The following SPAG16 variants were observed in gnomAD, a reference collection of about 807,000 sequenced individuals.
SPAG16 encodes sperm-associated antigen 16 protein.
Under a neutral mutation model 80.4 loss-of-function variants are expected in SPAG16, and 86 were observed. The ratio of observed to expected loss-of-function variants is 1.07; its 90% CI spans 0.90 to 1.28. SPAG16 has a LOEUF of 1.28. SPAG16 is among the 50% of genes most tolerant of loss of function. The pLI, the probability that SPAG16 is intolerant of heterozygous loss-of-function variation, is 0.00. For synonymous variants in SPAG16, 294 were observed against 265.9 expected (o/e 1.11, Z -1.03); for missense variants, 870 against 765.3 (o/e 1.14, Z -1.61).
intron 9 of SPAG16, among the ~76,000 whole-genome samples, chr2:213,394,259 A>G (rs564720578): frequency 6.6e-6 from 1 of 152,246 alleles, no homozygotes; most frequent in South Asian, 2.1e-4. Flanking sequence ...CATAAACCCA[A>G]TATAATTATC....
intron 10 of SPAG16, among the ~76,000 whole-genome samples, chr2:213,710,589 C>G (rs1194372270): frequency 6.6e-6 from 1 of 152,164 alleles, no homozygotes; most frequent in Non-Finnish European, 1.5e-5. Flanking sequence ...ATTACTCTTA[C>G]AATTAGGCGT....
rs560759820 is a variant in SPAG16 at position 213,407,248 on chromosome 2, A to G, written c.942+32129A>G. Among the ~76,000 whole-genome samples the G allele has an allele frequency of 1.1e-4, 16 of 152,246 alleles. No individual in the cohort carries two copies. The East Asian group carries it at 2.9e-3, about 28-fold the overall frequency. On this transcript the variant is annotated intron_variant, in intron 9 of 15. Transcript: ENST00000331683. ...GGACAGCACAAGTGGGAAGTGTGCA[A>G]AGGACCTTCAGAGGGGGAAAGGGAG...
At chr2:213,534,206 CTATCT>C (rs1472369541) in intron 10 of SPAG16, among the ~76,000 whole-genome samples, 2 of 151,922 alleles carry the variant, frequency 1.3e-5, no homozygotes, top group Admixed American at 6.6e-5. Flanking sequence ...AATCTTTGGG[CTATCT>C]TATATGTTGC....
At chr2:213,565,698 G>C (rs1369615032) in intron 10 of SPAG16, among the ~76,000 whole-genome samples, 1 of 152,182 alleles carries the variant, frequency 6.6e-6, no homozygotes, top group Non-Finnish European at 1.5e-5. Context: ...AAACTCCCTG[G>C]CTTTCAGTTG....
intron 15 of SPAG16, among the ~76,000 whole-genome samples, chr2:214,174,021 A>G (rs1182469019): frequency 6.6e-6 from 1 of 152,072 alleles, no homozygotes; most frequent in Non-Finnish European, 1.5e-5. Flanking sequence ...GACAAAATTC[A>G]ACAATCCTTC....
intron 15 of SPAG16, among the ~76,000 whole-genome samples, chr2:214,223,732 C>T (rs1393374031): frequency 6.6e-6 from 1 of 151,776 alleles, no homozygotes; most frequent in East Asian, 1.9e-4. Flanking sequence ...ATATACTGTA[C>T]CAGAGATATA....
chr2:213,623,647 C>T (rs2061861017), intron 10 of SPAG16, among the ~76,000 whole-genome samples: 1 of 152,002 alleles, frequency 6.6e-6, no homozygotes, highest in Admixed American at 6.6e-5. Flanking sequence ...GATGAAGAGA[C>T]AAATTGTTCC....
intron 15 of SPAG16, among the ~76,000 whole-genome samples, chr2:214,198,297 G>C (rs2057905082): frequency 1.3e-5 from 2 of 151,856 alleles, no homozygotes; most frequent in African/African-American, 4.8e-5. Flanking sequence ...ATCATTCTTA[G>C]GCCTTTGCAT....
chr2:213,920,513 G>T (rs758696413), intron 11 of SPAG16, among the ~76,000 whole-genome samples: 1 of 152,194 alleles, frequency 6.6e-6, no homozygotes, highest in Non-Finnish European at 1.5e-5. Context: ...TGCAGTGGGG[G>T]TAGGGAATAG....
At chr2:214,036,831 G>C (rs1321250904) in intron 13 of SPAG16, among the ~76,000 whole-genome samples, 1 of 152,070 alleles carries the variant, frequency 6.6e-6, no homozygotes, top group South Asian at 2.1e-4. Flanking sequence ...ACTATGGTTA[G>C]ATCTTCTCCC....
intron 10 of SPAG16, among the ~76,000 whole-genome samples, chr2:213,530,259 T>C (rs2076024672): frequency 6.6e-6 from 1 of 152,206 alleles, no homozygotes; most frequent in Admixed American, 6.6e-5. Flanking sequence ...GTTATACTTT[T>C]CTGTGACTGG....
intron 10 of SPAG16, among the ~76,000 whole-genome samples, chr2:213,576,117 G>A (rs988169023): frequency 6.6e-6 from 1 of 152,114 alleles, no homozygotes; most frequent in Non-Finnish European, 1.5e-5. Context: ...TAATGAAGGG[G>A]TCCTGTTTCA....
At chr2:213,683,273 G>A (rs565016644) in intron 10 of SPAG16, among the ~76,000 whole-genome samples, 2 of 152,212 alleles carry the variant, frequency 1.3e-5, no homozygotes, top group Non-Finnish European at 2.9e-5. Flanking sequence ...TACATAGCCT[G>A]GGCACAGTGC....
chr2:214,388,942 T>G (rs1377577430), intron 15 of SPAG16, among the ~76,000 whole-genome samples: 1 of 152,118 alleles, frequency 6.6e-6, no homozygotes, highest in East Asian at 1.9e-4. Flanking sequence ...GACAATCAGA[T>G]AAGAAGCGAG....
chr2:213,954,139 ATT>A (rs367719207), intron 12 of SPAG16, among the ~76,000 whole-genome samples: 10 of 141,410 alleles, frequency 7.1e-5, no homozygotes, highest in Non-Finnish European at 7.7e-5. Context: ...AGTCACTCCT[ATT>A]TTTTTTTTTT....
At chr2:213,655,444 CTG>C (rs1406827189) in intron 10 of SPAG16, among the ~76,000 whole-genome samples, 1 of 152,176 alleles carries the variant, frequency 6.6e-6, no homozygotes, top group Non-Finnish European at 1.5e-5. Context: ...GCTGAAATAT[CTG>C]CATTCAAAAT....
chr2:213,325,600 T>C (rs981834702), intron 5 of SPAG16, among the ~76,000 whole-genome samples: 4 of 146,306 alleles, frequency 2.7e-5, no homozygotes, highest in Non-Finnish European at 6.0e-5. Context: ...GTTGAAAATA[T>C]AACTTGATTT....
rs1223086549 is a variant in SPAG16 at position 213,364,080 on chromosome 2, C to G, written c.767C>G (p.Ser256Cys). Residue 256 changes from serine (S) to cysteine (C), a missense_variant, in exon 8 of 16, where the codon TCT becomes TGT. Transcript: ENST00000331683. Reference protein sequence around the residue: ...LERDKVVGQISGLQETLKKLQ... With the variant: ...LERDKVVGQICGLQETLKKLQ... Reference sequence around the variant, plus strand: ...TCTTTGAATTTTACTTTTTAGATTTCTGGACTTCAAGAAACATTGAAGAAA... The same window carrying G: ...TCTTTGAATTTTACTTTTTAGATTTGTGGACTTCAAGAAACATTGAAGAAA... 1 of 1,485,954 alleles carries G rather than the reference C, an allele frequency of 6.7e-7. No homozygotes were observed. The highest frequency in any genetic ancestry group is 9.0e-7 in the Non-Finnish European group (1 of 1,113,116). 92.0% of individuals were successfully genotyped at this position (1,485,954 alleles called of 1,614,324 possible). A position where few individuals can be genotyped will look rare whatever the true frequency, so the allele number is the denominator to read the frequency against.
At chr2:214,062,106 A>T (rs1328266393) in intron 13 of SPAG16, among the ~76,000 whole-genome samples, 1 of 151,910 alleles carries the variant, frequency 6.6e-6, no homozygotes, top group Non-Finnish European at 1.5e-5. Context: ...TTTAATAGAC[A>T]TCTTAAAGTT....
Sources: gnomAD v4.1 joint callset for allele counts (sites outside exome capture counted in the v4.1 genomes callset) on GRCh38, gnomAD v4.1.1 for gene constraint, MANE v1.5 for transcripts, NCBI Gene and HGNC (gene_info 2026-07-23, HGNC 2026-07-21) for gene names.